Variants in PPP1R21 observed in about 807,000 individuals in gnomAD.
The protein encoded by PPP1R21 is protein phosphatase 1 regulatory subunit 21, also known as KLRAQ motif containing 1.
In PPP1R21, 85 loss-of-function variants were observed where a neutral mutation model predicts 112.8. That is an observed-to-expected ratio of 0.75 (90% confidence interval 0.63 to 0.90). PPP1R21 has a LOEUF of 0.90. PPP1R21 is among the 40% of genes least tolerant of loss of function. The probability of loss-of-function intolerance (pLI) is 0.00; values close to 1 mark genes in which losing one functional copy is unlikely to be tolerated. For synonymous variants in PPP1R21, 381 were observed against 322.3 expected, an observed-to-expected ratio of 1.18 and a Z score of -1.95; for missense variants, 1,199 against 901.5, an observed-to-expected ratio of 1.33 and a Z score of -4.23.
Position 48,495,730 on chromosome 2 carries a change from C to G in PPP1R21, c.1651C>G (p.Leu551Val). 4 of 1,612,326 alleles carry G rather than the reference C, an allele frequency of 2.5e-6. No homozygotes were observed. The highest frequency in any genetic ancestry group is 3.4e-6 in the Non-Finnish European group (4 of 1,178,318). The stretch of plus-strand genomic sequence containing the variant: ...AGAAGCACTGGCAAACCGCCGCATC[C>G]TTCTCAGCTCTACTGAAAGTCGAGA... ...YEEALANRRI[L>V]LSSTESREGL... Residue 551 changes from leucine to valine, a missense_variant, in exon 16 of 22, where the codon CTT becomes GTT. Leu to Val is a conservative substitution (Grantham distance 32). Coordinates refer to ENST00000294952, the MANE Select transcript of PPP1R21 (RefSeq NM_001135629.3).
chr2:48,446,037 T>G (rs1346215927), intron 1 of PPP1R21, among the ~76,000 whole-genome samples: 1 of 152,152 alleles, frequency 6.6e-6, no homozygotes, highest in Non-Finnish European at 1.5e-5. Context: ...CACGTCACTT[T>G]GTATTGAAGA....
Position 48,466,437 on chromosome 2 carries a change from G to A in PPP1R21, c.897+795G>A, listed in dbSNP as rs571841176. 2.0e-5 allele frequency among the ~76,000 whole-genome samples: 3 copies of A among 152,050 alleles called. No homozygotes were observed. The East Asian group carries it at 5.8e-4, about 29-fold the overall frequency. ...AGCCAGGGTTTCGCCATGTTGGCCA[G>A]GCTGGTCTTGAACTCCTGACCTCAG... On this transcript the variant is annotated intron_variant, in intron 9 of 21. Coordinates refer to ENST00000294952, the MANE Select transcript of PPP1R21 (RefSeq NM_001135629.3).
chr2:48,443,544 C>G (rs1490817061), intron 1 of PPP1R21, among the ~76,000 whole-genome samples: 1 of 152,110 alleles, frequency 6.6e-6, no homozygotes, highest in Non-Finnish European at 1.5e-5. Flanking sequence ...GGAGGATGTG[C>G]CTGGAGGAGG....
chr2:48,484,321 G>A (rs1304322400), intron 13 of PPP1R21, among the ~76,000 whole-genome samples: 1 of 152,050 alleles, frequency 6.6e-6, no homozygotes, highest in Non-Finnish European at 1.5e-5. Flanking sequence ...GCCCTTTCAA[G>A]GAGCATATTC....
At chr2:48,494,663 G>A (rs1669741063) in intron 15 of PPP1R21, among the ~76,000 whole-genome samples, 1 of 151,324 alleles carries the variant, frequency 6.6e-6, no homozygotes, top group East Asian at 2.0e-4. Context: ...AAGTCCACCC[G>A]CCTCGGCCTT....
At chr2:48,443,533 G>A (rs1264733119) in intron 1 of PPP1R21, among the ~76,000 whole-genome samples, 5 of 152,280 alleles carry the variant, frequency 3.3e-5, no homozygotes, top group East Asian at 1.9e-4. Context: ...AACACCTGTC[G>A]GGAGGATGTG....
rs888946374 is a variant in PPP1R21, at chr2:48,486,572, T to C, written c.1319-59T>C. On this transcript the variant is annotated intron_variant, in intron 13 of 21. Coordinates refer to ENST00000294952, the MANE Select transcript of PPP1R21 (RefSeq NM_001135629.3). Reference sequence around the variant, plus strand: ...TAGATAGGAGAAGTGAATGGGCTGGTTATCTGTATGTGACTTATATATAGA... The same window carrying C: ...TAGATAGGAGAAGTGAATGGGCTGGCTATCTGTATGTGACTTATATATAGA... The C allele has an allele frequency of 2.3e-5, 30 of 1,312,316 alleles. No individual in the cohort carries two copies. In the African/African-American group the frequency reaches 4.4e-4, roughly 19 times the overall value. 81.3% of individuals were successfully genotyped at this position (1,312,316 alleles called of 1,614,324 possible). A position where few individuals can be genotyped will look rare whatever the true frequency, so the allele number is the denominator to read the frequency against.
intron 13 of PPP1R21, among the ~76,000 whole-genome samples, chr2:48,481,269 G>C (rs938615958): frequency 2.6e-5 from 4 of 152,220 alleles, no homozygotes; most frequent in African/African-American, 9.7e-5. Context: ...GACTACAGGC[G>C]TGAGCCACTG....
chr2:48,456,734 G>C (rs1027853299), intron 3 of PPP1R21, among the ~76,000 whole-genome samples: 2 of 152,162 alleles, frequency 1.3e-5, no homozygotes. Context: ...TTATGTATTA[G>C]AATCACTTGG....
At chr2:48,462,993 C>T (rs541534045) in intron 7 of PPP1R21, among the ~76,000 whole-genome samples, 42 of 152,054 alleles carry the variant, frequency 2.8e-4, no homozygotes, top group Non-Finnish European at 4.6e-4. Context: ...TGCAGTTGAC[C>T]GAAAGAAAAG....
intron 12 of PPP1R21, 87 bp from the exon 13 acceptor site, chr2:48,479,837 C>A (rs2103889777): frequency 2.4e-6 from 2 of 844,858 alleles, no homozygotes; most frequent in South Asian, 1.4e-5. Context: ...AACCAATCTT[C>A]ATTCTCTATC....
chr2:48,484,476 CTAAA>C (rs1669181674), intron 13 of PPP1R21, among the ~76,000 whole-genome samples: 1 of 150,566 alleles, frequency 6.6e-6, no homozygotes, highest in South Asian at 2.1e-4. Context: ...AAGAAACACT[CTAAA>C]TAATTAAAAT....
chr2:48,461,805 A>G (rs181007870), intron 7 of PPP1R21, among the ~76,000 whole-genome samples: 184 of 151,634 alleles, frequency 1.2e-3, no homozygotes, highest in African/African-American at 4.3e-3. Flanking sequence ...CAAAGAAAAT[A>G]TTTGCTTGTT....
At chr2:48,504,611 A>G (rs1197848438) in intron 17 of PPP1R21, among the ~76,000 whole-genome samples, 1 of 152,216 alleles carries the variant, frequency 6.6e-6, no homozygotes, top group African/African-American at 2.4e-5. Context: ...ATTGCACTCC[A>G]GCCTGGGCAA....
At chr2:48,514,072 T>C (rs1670759412) in intron 21 of PPP1R21, among the ~76,000 whole-genome samples, 1 of 136,774 alleles carries the variant, frequency 7.3e-6, no homozygotes, top group Non-Finnish European at 1.5e-5. Context: ...CGAGACATGT[T>C]CTTTTTTTTT....
rs375803272 is a variant in PPP1R21, at chr2:48,505,685, A to ATTG, written c.1968+101_1968+103dup. 238 of 1,137,840 alleles carry ATTG rather than the reference A, an allele frequency of 2.1e-4. 1 individual carries two copies. The highest frequency in any genetic ancestry group is 2.8e-4 in the Non-Finnish European group (217 of 770,054). The allele number at this position is 1,137,840 out of a possible 1,614,324, so 70.5% of individuals were successfully genotyped here. ...GTCCTGCAAAAGCCATCTTTGTCTA[A>ATTG]TTGTTGTTGTTGTTTTTTCCTGACA... On this transcript the variant is annotated intron_variant, in intron 18 of 21. Transcript: ENST00000294952.
chr2:48,465,601 G>A lies in PPP1R21; in HGVS notation c.856G>A (p.Val286Ile). Residue 286 changes from valine to isoleucine, a missense_variant, in exon 9 of 22, where the codon GTT becomes ATT. By Grantham distance (29) the Val-to-Ile change is conservative. Transcript: ENST00000294952. ...AGAACAGAGGATTCAAATTTTTCCT[G>A]TTGATTCTGCCATTGACACTATATC... ...YTEQRIQIFP[V>I]DSAIDTISPL... The A allele has an allele frequency of 6.2e-7, 1 of 1,613,680 alleles. No homozygotes were observed. Among genetic ancestry groups the A allele is most frequent in the Non-Finnish European group, 8.5e-7 (1 of 1,179,846 alleles).
chr2:48,473,811 T>A (rs990204733), intron 11 of PPP1R21, among the ~76,000 whole-genome samples: 3 of 152,218 alleles, frequency 2.0e-5, no homozygotes, highest in African/African-American at 7.2e-5. Flanking sequence ...CTACATTTTT[T>A]AAAAACCTTG....
At chr2:48,460,908 A>G (rs970510664) in intron 6 of PPP1R21, among the ~76,000 whole-genome samples, 1 of 152,216 alleles carries the variant, frequency 6.6e-6, no homozygotes, top group East Asian at 1.9e-4. Flanking sequence ...CACTCGTACC[A>G]TGATAAATTC....
Sources: allele counts gnomAD v4.1 joint callset (sites outside exome capture counted in the v4.1 genomes callset), GRCh38; gene constraint gnomAD v4.1.1; transcripts MANE v1.5; gene names NCBI Gene and HGNC (gene_info 2026-07-23, HGNC 2026-07-21).